Variants in GOLM2 observed in about 807,000 individuals in gnomAD.
GOLM2 encodes protein GOLM2.
GOLM2 carries 26 observed loss-of-function variants against 55.9 expected under a neutral mutation model. The ratio of observed to expected loss-of-function variants is 0.47; its 90% CI spans 0.34 to 0.65. GOLM2 has a LOEUF of 0.65. Ranked by LOEUF, GOLM2 falls within the 30% of genes least tolerant of loss-of-function variation. The pLI is 0.01. For missense variants in GOLM2, 486 were observed against 531.8 expected (o/e 0.91, Z 0.85); for synonymous variants, 165 against 194.6 (o/e 0.85, Z 1.27).
Position 44,292,201 on chromosome 15 carries a change from A to ATAT in GOLM2, c.327+2846_327+2847insATT, listed in dbSNP as rs1463700655. Among the ~76,000 whole-genome samples, 44 of 120,020 alleles carry ATAT rather than the reference A, an allele frequency of 3.7e-4. 1 individual carries two copies. In the East Asian group the frequency reaches 4.7e-3, roughly 13 times the overall value. 78.7% of individuals were successfully genotyped at this position (120,020 alleles called of 152,430 possible). On this transcript the variant is annotated intron_variant, in intron 1 of 9. Transcript: ENST00000299957. ...TATACATACATATATATATATATAT[A>ATAT]TTTTTTTTTTTTTTTAGACAGAGTC...
intron 6 of GOLM2, among the ~76,000 whole-genome samples, chr15:44,360,069 G>A (rs1407536832): frequency 6.6e-6 from 1 of 152,042 alleles, no homozygotes; most frequent in African/African-American, 2.4e-5. Context: ...ACATGGAAAG[G>A]AACAACCACT....
At chr15:44,411,013 CTTTTTTTTTTT>C (rs201998296) in intron 9 of GOLM2, among the ~76,000 whole-genome samples, 4 of 81,338 alleles carry the variant, frequency 4.9e-5, no homozygotes, top group South Asian at 4.5e-4. Flanking sequence ...GTTTGTTTGA[CTTTTTTTTTTT>C]TTTTTTTTTT....
intron 6 of GOLM2, among the ~76,000 whole-genome samples, chr15:44,338,963 A>G (rs1479753542): frequency 2.6e-5 from 4 of 151,580 alleles, no homozygotes; most frequent in Admixed American, 6.6e-5. Context: ...TGCCATATCT[A>G]TGTTTCTTGG....
chr15:44,289,037 G>A lies in GOLM2; in HGVS notation c.8G>A (p.Gly3Asp). Reference sequence around the variant, plus strand: ...ACAGCCCGATTTGGCCCCATGGTGGGTTTCGGGGCCAACCGGCGGGCTGGC... The same window carrying A: ...ACAGCCCGATTTGGCCCCATGGTGGATTTCGGGGCCAACCGGCGGGCTGGC... MVGFGANRRAGRL... is the reference protein window; with the variant it reads MVDFGANRRAGRL... The change falls in exon 1 of 10, where the codon GGT (glycine) becomes GAT (aspartate). Residue 3 changes from glycine (G) to aspartate (D), a missense_variant. Transcript: ENST00000299957. This position sits in a 1 kb window ranked among gnomAD's most constrained non-coding sequence, Gnocchi z 4.8. The A allele has an allele frequency of 1.2e-6, 2 of 1,612,948 alleles. No homozygotes were observed. Among genetic ancestry groups the A allele is most frequent in the South Asian group, 2.2e-5 (2 of 90,998 alleles).
chr15:44,374,443 G>A (rs545180825), intron 6 of GOLM2, among the ~76,000 whole-genome samples: 37 of 151,826 alleles, frequency 2.4e-4, no homozygotes, highest in Non-Finnish European at 4.7e-4. Context: ...GAGCTCAAGA[G>A]TTCAAGACCA....
At chr15:44,378,687 A>G (rs1381877346) in intron 6 of GOLM2, among the ~76,000 whole-genome samples, 2 of 152,156 alleles carry the variant, frequency 1.3e-5, no homozygotes, top group Non-Finnish European at 2.9e-5. Flanking sequence ...GTCAATTTTT[A>G]TTTGTGCTAT....
intron 8 of GOLM2, among the ~76,000 whole-genome samples, chr15:44,387,841 A>G (rs926069009): frequency 2.6e-5 from 4 of 152,042 alleles, no homozygotes; most frequent in Non-Finnish European, 4.4e-5. Flanking sequence ...ACTTGACACA[A>G]AAGGTCTTTA....
chr15:44,289,309 C>A lies in GOLM2; in HGVS notation c.280C>A (p.Arg94=). 6.2e-7 allele frequency: 1 copy of A among 1,613,690 alleles called. No individual in the cohort carries two copies. Among genetic ancestry groups the A allele is most frequent in the Non-Finnish European group, 8.5e-7 (1 of 1,179,866 alleles). Residue 94 remains arginine, a synonymous_variant, in exon 1 of 10, where the codon CGG becomes AGG. Coordinates refer to ENST00000299957, the MANE Select transcript of GOLM2 (RefSeq NM_138423.4). The surrounding 1 kb of genome is among the most constrained non-coding windows in gnomAD (Gnocchi z 4.8). The part of the protein sequence containing the change: ...KEADYGRLSS[R]LQAREGLGKR... Reference sequence around the variant, plus strand: ...GGCCGACTACGGCCGCCTCAGCAGCCGGCTGCAGGCCAGAGAGGGCCTCGG... The same window carrying A: ...GGCCGACTACGGCCGCCTCAGCAGCAGGCTGCAGGCCAGAGAGGGCCTCGG...
Position 44,402,661 on chromosome 15 carries a change from A to G in GOLM2, c.1073-226A>G, listed in dbSNP as rs2079573161. 18 of 397,588 alleles carry G rather than the reference A, an allele frequency of 4.5e-5. No individual in the cohort carries two copies. In the South Asian group the frequency reaches 7.9e-4, roughly 17 times the overall value. 24.6% of individuals were successfully genotyped at this position (397,588 alleles called of 1,614,324 possible). ...ATCATTCAAATTTTAAGTGGCAAGC[A>G]CTAAAATTAACACAAAAGAGAAATT... On this transcript the variant is annotated intron_variant, in intron 8 of 9. Transcript: ENST00000299957.
Position 44,288,770 on chromosome 15 carries a change from T to G in GOLM2, c.-260T>G, listed in dbSNP as rs1048186083. ...GTTTGGGGGACGCTGGCAGCTGGGT[T>G]CTCCCGGTTCCCTTGGGCAGGTGCA... On this transcript the variant is annotated 5_prime_UTR_variant, in exon 1 of 10. Coordinates refer to ENST00000299957, the MANE Select transcript of GOLM2 (RefSeq NM_138423.4). 4 of 502,048 alleles carry G rather than the reference T, an allele frequency of 8.0e-6. No homozygotes were observed. Among genetic ancestry groups the G allele is most frequent in the East Asian group, 3.5e-5 (1 of 28,832 alleles). 31.1% of individuals were successfully genotyped at this position (502,048 alleles called of 1,614,324 possible).
chr15:44,352,444 T>G (rs999347967), intron 6 of GOLM2, among the ~76,000 whole-genome samples: 2 of 152,052 alleles, frequency 1.3e-5, no homozygotes, highest in Non-Finnish European at 2.9e-5. Context: ...GACTCAAATC[T>G]AAGACCTGAA....
intron 1 of GOLM2, among the ~76,000 whole-genome samples, chr15:44,296,061 A>C (rs1339646090): frequency 6.6e-6 from 1 of 152,082 alleles, no homozygotes; most frequent in Non-Finnish European, 1.5e-5. Context: ...TTTTAAAGAG[A>C]TGGGGTCTTA....
intron 1 of GOLM2, among the ~76,000 whole-genome samples, chr15:44,309,873 C>T (rs1204569747): frequency 6.6e-6 from 1 of 151,770 alleles, no homozygotes; most frequent in Non-Finnish European, 1.5e-5. Flanking sequence ...AGAGGCCCCA[C>T]CCCCTCACCA....
intron 6 of GOLM2, among the ~76,000 whole-genome samples, chr15:44,340,101 C>A (rs1457102912): frequency 6.6e-6 from 1 of 152,152 alleles, no homozygotes; most frequent in African/African-American, 2.4e-5. Flanking sequence ...GGATTACAAG[C>A]ATCAGCTACC....
intron 8 of GOLM2, among the ~76,000 whole-genome samples, chr15:44,395,177 ATT>A (rs755963732): frequency 2.2e-5 from 3 of 136,546 alleles, no homozygotes; most frequent in African/African-American, 2.7e-5. Flanking sequence ...CGCCCGGCTA[ATT>A]TTTTTTTTTT....
intron 6 of GOLM2, among the ~76,000 whole-genome samples, chr15:44,362,160 T>G (rs1176271978): frequency 6.7e-6 from 1 of 148,904 alleles, no homozygotes; most frequent in African/African-American, 2.5e-5. Flanking sequence ...CTCTCACCAC[T>G]CCTATTCAAC....
At chr15:44,387,700 G>A (rs1169467343) in intron 8 of GOLM2, among the ~76,000 whole-genome samples, 1 of 151,830 alleles carries the variant, frequency 6.6e-6, no homozygotes, top group African/African-American at 2.4e-5. Flanking sequence ...GGTGGAGGTT[G>A]CAGTGAGCCA....
intron 4 of GOLM2, among the ~76,000 whole-genome samples, chr15:44,335,373 A>C (rs1230402014): frequency 6.6e-6 from 1 of 152,226 alleles, no homozygotes; most frequent in Non-Finnish European, 1.5e-5. Context: ...TATTTTATTA[A>C]TATTAATATT....
At chr15:44,408,186 G>T (rs1332566740) in intron 9 of GOLM2, among the ~76,000 whole-genome samples, 1 of 152,046 alleles carries the variant, frequency 6.6e-6, no homozygotes, top group Non-Finnish European at 1.5e-5. Context: ...AAATTTTGCT[G>T]CTTCCTAAAA....
Sources: allele counts gnomAD v4.1 joint callset (sites outside exome capture counted in the v4.1 genomes callset), GRCh38; gene constraint gnomAD v4.1.1; non-coding constraint Gnocchi (gnomAD v3.1); transcripts MANE v1.5; gene names NCBI Gene and HGNC (gene_info 2026-07-23, HGNC 2026-07-21).